Variants in DOCK11 observed in about 807,000 individuals in gnomAD.
The protein encoded by DOCK11 is dedicator of cytokinesis protein 11.
A neutral mutation model predicts 169.1 loss-of-function variants in DOCK11; 70 were observed. The observed-to-expected ratio is 0.41, with a 90% CI of 0.34 to 0.51. DOCK11 has a LOEUF of 0.51. Ranked by LOEUF, DOCK11 falls within the 20% of genes least tolerant of loss-of-function variation. DOCK11 has a pLI of 0.10. For missense variants in DOCK11, 1,166 were observed against 1,538.8 expected, an observed-to-expected ratio of 0.76 and a Z score of 4.05; for synonymous variants, 529 against 541.3, an observed-to-expected ratio of 0.98 and a Z score of 0.32.
At chrX:118,627,434 C>T in intron 32 of DOCK11, 70 bp from the exon 33 acceptor site, 1 of 769,162 alleles carries the variant, frequency 1.3e-6, no homozygotes, top group South Asian at 2.3e-5. Context: ...ACATTTTATT[C>T]TGTTAATTCA....
intron 10 of DOCK11, among the ~76,000 whole-genome samples, chrX:118,571,750 A>G (rs190794579): frequency 8.9e-6 from 1 of 112,316 alleles, no homozygotes; most frequent in African/African-American, 3.2e-5. Context: ...AAGTAATATT[A>G]GAAAGATAAA....
intron 1 of DOCK11, among the ~76,000 whole-genome samples, chrX:118,541,005 A>G (rs1249580234): frequency 1.8e-5 from 2 of 111,673 alleles, no homozygotes; most frequent in African/African-American, 6.5e-5. Flanking sequence ...GAATATCTCA[A>G]AGTTCATCAG....
intron 6 of DOCK11, among the ~76,000 whole-genome samples, chrX:118,548,940 G>A (rs148199458): frequency 9.5e-4 from 106 of 111,494 alleles, no homozygotes; most frequent in African/African-American, 3.3e-3. Context: ...GTGACCAGGC[G>A]GGAGCCATAA....
intron 14 of DOCK11, among the ~76,000 whole-genome samples, chrX:118,584,385 T>C (rs1031120979): frequency 8.9e-6 from 1 of 112,776 alleles, no homozygotes; most frequent in Non-Finnish European, 1.9e-5. Context: ...GTAGTTCATT[T>C]TGAGCAGTAT....
chrX:118,573,738 C>G, intron 11 of DOCK11, 68 bp from the exon 12 acceptor site: 4 of 924,278 alleles, frequency 4.3e-6, no homozygotes, highest in Non-Finnish European at 6.0e-6. Context: ...TTATTTTGCA[C>G]TTGTGCCCCT....
chrX:118,620,262 G>A lies in DOCK11; in HGVS notation c.3471+1534G>A, dbSNP rs1055289410. ...AAATCACTCTAGGAAACATAATATT[G>A]TTTCATAATAAATAATTTATCCTTT... On this transcript the variant is annotated intron_variant, in intron 31 of 52. Coordinates refer to ENST00000276202, the MANE Select transcript of DOCK11 (RefSeq NM_144658.4). Among the ~76,000 whole-genome samples, 5 of 111,575 alleles carry A rather than the reference G, an allele frequency of 4.5e-5. 1 individual carries two copies. The highest frequency in any genetic ancestry group is 1.6e-4 in the African/African-American group (5 of 30,657).
Position 118,652,042 on chromosome X carries a change from A to G in DOCK11, c.4660A>G (p.Ile1554Val). The change falls in exon 42 of 53, where the codon ATC becomes GTC. Residue 1554 changes from isoleucine to valine, a missense_variant. By Grantham distance (29) the Ile-to-Val change is conservative (BLOSUM62 3). Transcript: ENST00000276202. ...AAGATTTCAGGAGTCTTTATTCATT[A>G]TCAATAATTTTGCAAATAGTGACAG... ...GSRFQESLFI[I>V]NNFANSDRPM... 1 of 1,203,420 alleles carries G rather than the reference A, an allele frequency of 8.3e-7. No homozygotes were observed. Among genetic ancestry groups the G allele is most frequent in the Non-Finnish European group, 1.1e-6 (1 of 889,886 alleles).
rs895885913 is a variant in DOCK11, at chrX:118,686,062, T to C, written c.*255T>C. 2.7e-5 allele frequency: 7 copies of C among 260,140 alleles called. No individual in the cohort carries two copies. The highest frequency in any genetic ancestry group is 1.9e-4 in the African/African-American group (7 of 36,113). 21.4% of individuals were successfully genotyped at this position (260,140 alleles called of 1,213,427 possible). Reference sequence around the variant, plus strand: ...GAAAAGTAGAGCTCAAAAACAGTAGTTCAATTTGCTTAATTATTGCTTAAA... The same window carrying C: ...GAAAAGTAGAGCTCAAAAACAGTAGCTCAATTTGCTTAATTATTGCTTAAA... On this transcript the variant is annotated 3_prime_UTR_variant, in exon 53 of 53. Transcript: ENST00000276202.
intron 7 of DOCK11, among the ~76,000 whole-genome samples, chrX:118,562,765 T>C (rs148994748): frequency 0.013 from 1,427 of 112,446 alleles, 10 homozygotes; most frequent in Non-Finnish European, 0.018. Flanking sequence ...ATGACTCAGC[T>C]TAAAGGCTAC....
intron 48 of DOCK11, among the ~76,000 whole-genome samples, chrX:118,679,942 T>C (rs2016701377): frequency 1.1e-5 from 1 of 87,827 alleles, no homozygotes; most frequent in Non-Finnish European, 2.3e-5. Context: ...TTTTTTTTTT[T>C]TGGAGACAGA....
chrX:118,514,023 C>T (rs972114113), intron 1 of DOCK11, among the ~76,000 whole-genome samples: 3 of 111,613 alleles, frequency 2.7e-5, no homozygotes, highest in African/African-American at 9.8e-5. Flanking sequence ...ATAATCCCCA[C>T]GTCAATGGTG....
chrX:118,542,301 G>A (rs1200880791), intron 1 of DOCK11, among the ~76,000 whole-genome samples: 1 of 109,200 alleles, frequency 9.2e-6, no homozygotes, highest in Non-Finnish European at 1.9e-5. Context: ...CTCCCGAGTG[G>A]CTGGGACTAC....
intron 10 of DOCK11, among the ~76,000 whole-genome samples, chrX:118,568,370 TTATATATATATATA>T (rs397839351): frequency 0.12 from 4,565 of 36,531 alleles, 333 homozygotes; most frequent in Middle Eastern, 0.2. Flanking sequence ...TGGGGCTGAA[TTATATATATATATA>T]TATATATATA....
Position 118,531,412 on chromosome X carries a change from CAAAAAAAAAAAAAAAAAAAAAA to C in DOCK11, c.103-11295_103-11274del, listed in dbSNP as rs60932296. On this transcript the variant is annotated intron_variant, in intron 1 of 52. Transcript: ENST00000276202. Reference sequence around the variant, plus strand: ...TCGGGGCTGCAGTGAGCCATATACTCAAAAAAAAAAAAAAAAAAAAAAAAAAAAAAAAAAAAAAACAGGAAGT... The same window carrying C: ...TCGGGGCTGCAGTGAGCCATATACTCAAAAAAAAAAAAAAAAACAGGAAGT... Among the ~76,000 whole-genome samples the C allele has an allele frequency of 2.2e-3, 65 of 29,201 alleles. No homozygotes were observed. In the East Asian group the frequency reaches 0.058, roughly 26 times the overall value. The allele number at this position is 29,201 out of a possible 115,157, so 25.4% of individuals were successfully genotyped here.
chrX:118,662,569 C>A, intron 44 of DOCK11, 117 bp from the exon 45 acceptor site: 1 of 416,162 alleles, frequency 2.4e-6, no homozygotes, highest in Non-Finnish European at 4.2e-6. Flanking sequence ...GTACTTAAGA[C>A]TTTGATTCTT....
At chrX:118,558,330 G>T (rs1333170586) in intron 6 of DOCK11, among the ~76,000 whole-genome samples, 1 of 111,024 alleles carries the variant, frequency 9.0e-6, no homozygotes, top group Non-Finnish European at 1.9e-5. Flanking sequence ...GTAAAATGTG[G>T]ATAATGATAC....
chrX:118,595,665 G>A (rs1252802650), intron 20 of DOCK11, among the ~76,000 whole-genome samples: 1 of 111,904 alleles, frequency 8.9e-6, no homozygotes, highest in Non-Finnish European at 1.9e-5. Flanking sequence ...GATGCTCAGC[G>A]GAGCATGAAA....
intron 23 of DOCK11, among the ~76,000 whole-genome samples, chrX:118,601,161 TG>T (rs1246615608): frequency 9.0e-6 from 1 of 111,538 alleles, no homozygotes; most frequent in Non-Finnish European, 1.9e-5. Context: ...CAATGGCTCA[TG>T]CCTGTAATCC....
chrX:118,657,837 G>A (rs2016113181), intron 44 of DOCK11, among the ~76,000 whole-genome samples: 1 of 110,457 alleles, frequency 9.1e-6, no homozygotes, highest in Admixed American at 9.7e-5. Flanking sequence ...GACTGGGGGT[G>A]GGGGCCAGGG....
Sources: gnomAD v4.1 joint callset for allele counts (sites outside exome capture counted in the v4.1 genomes callset) on GRCh38, gnomAD v4.1.1 for gene constraint, MANE v1.5 for transcripts, NCBI Gene and HGNC (gene_info 2026-07-23, HGNC 2026-07-21) for gene names.